Variants in HMGA2 observed in about 807,000 individuals in gnomAD.
HMGA2 encodes high mobility group AT-hook 2.
A neutral mutation model predicts 19.1 loss-of-function variants in HMGA2; 8 were observed. The observed-to-expected ratio is 0.42, with a 90% CI of 0.25 to 0.76. The LOEUF is 0.76. HMGA2 is among the 30% of genes least tolerant of loss of function. HMGA2 has a pLI of 0.28. For missense variants in HMGA2, 109 were observed against 136.3 expected, an observed-to-expected ratio of 0.80 and a Z score of 1.00; for synonymous variants, 60 against 48.8, an observed-to-expected ratio of 1.23 and a Z score of -0.96.
intron 3 of HMGA2, among the ~76,000 whole-genome samples, chr12:65,872,992 T>C (rs1485345608): frequency 1.3e-5 from 2 of 152,216 alleles, no homozygotes; most frequent in East Asian, 3.8e-4. Context: ...CTGGTTGGTA[T>C]AGTCTTTACC....
intron 3 of HMGA2, among the ~76,000 whole-genome samples, chr12:65,892,539 A>G (rs2121142844): frequency 6.6e-6 from 1 of 152,194 alleles, no homozygotes; most frequent in East Asian, 1.9e-4. Flanking sequence ...TTTTGCCTGA[A>G]ACTTGTTAGA....
intron 3 of HMGA2, among the ~76,000 whole-genome samples, chr12:65,899,968 CAA>C (rs1261664234): frequency 2.6e-5 from 4 of 152,072 alleles, no homozygotes; most frequent in African/African-American, 9.7e-5. Flanking sequence ...ATAATAAAAT[CAA>C]AAGAGGAGGG....
At chr12:65,958,450 A>G (rs1251768682) in intron 4 of HMGA2, 1 of 152,238 alleles carries the variant, frequency 6.6e-6, no homozygotes, top group Non-Finnish European at 1.5e-5. Flanking sequence ...GTTGGAGGAA[A>G]TAATCACTTT....
intron 3 of HMGA2, among the ~76,000 whole-genome samples, chr12:65,879,976 A>T (rs1451116094): frequency 1.3e-5 from 2 of 152,228 alleles, no homozygotes; most frequent in South Asian, 4.1e-4. Flanking sequence ...ATTCTGCAGC[A>T]TTCCAAGTGA....
At chr12:65,958,314 T>C (rs1876658119) in intron 4 of HMGA2, 1 of 152,190 alleles carries the variant, frequency 6.6e-6, no homozygotes, top group South Asian at 2.1e-4. Flanking sequence ...CAACTTATTG[T>C]CTCCTTTTGA....
At chr12:65,886,521 G>C (rs1039065469) in intron 3 of HMGA2, among the ~76,000 whole-genome samples, 31 of 151,994 alleles carry the variant, frequency 2.0e-4, no homozygotes, top group African/African-American at 6.0e-4. Flanking sequence ...CCCATGCCCG[G>C]CTAATATTTG....
chr12:65,950,271 ATT>A lies in HMGA2; in HGVS notation c.250-1111_250-1110del, dbSNP rs543360081. On this transcript the variant is annotated intron_variant, in intron 3 of 4. Coordinates refer to ENST00000403681, the MANE Select transcript of HMGA2 (RefSeq NM_003483.6). Reference sequence around the variant, plus strand: ...GTATATAAATGTTCATAGTAGCATTATTCATAATAGCCAAAGGGTGGAAACAC... The same window carrying A: ...GTATATAAATGTTCATAGTAGCATTACATAATAGCCAAAGGGTGGAAACAC... 1.6e-4 allele frequency among the ~76,000 whole-genome samples: 24 copies of A among 152,382 alleles called. No homozygotes were observed. In the South Asian group the frequency reaches 4.8e-3, roughly 30 times the overall value.
intron 3 of HMGA2, among the ~76,000 whole-genome samples, chr12:65,854,068 GT>G (rs1871608361): frequency 6.6e-6 from 1 of 152,162 alleles, no homozygotes; most frequent in African/African-American, 2.4e-5. Context: ...ATTTCAAAGT[GT>G]TTGTCATGAA....
intron 3 of HMGA2, chr12:65,855,891 T>C (rs973408365): frequency 6.6e-6 from 1 of 150,824 alleles, no homozygotes; most frequent in Admixed American, 6.6e-5. Flanking sequence ...GTTTTTTCTT[T>C]TTTTTTTTTT....
chr12:65,866,315 T>C (rs1872409015), intron 3 of HMGA2, among the ~76,000 whole-genome samples: 1 of 152,172 alleles, frequency 6.6e-6, no homozygotes, highest in Admixed American at 6.5e-5. Context: ...GATGATGATT[T>C]CAAGCCTTAT....
intron 4 of HMGA2, chr12:65,954,103 T>C (rs899692298): frequency 3.9e-5 from 6 of 152,218 alleles, no homozygotes; most frequent in African/African-American, 1.4e-4. Flanking sequence ...AATTTCTCTT[T>C]GCTCTATTTA....
chr12:65,932,063 T>C (rs61542571), intron 3 of HMGA2, among the ~76,000 whole-genome samples: 27,650 of 152,182 alleles, frequency 0.18, 4,042 homozygotes, highest in East Asian at 0.75. Flanking sequence ...TTCTAAGAAG[T>C]ATAAAACAAG....
intron 3 of HMGA2, among the ~76,000 whole-genome samples, chr12:65,929,039 T>C (rs1283456829): frequency 1.3e-5 from 2 of 152,226 alleles, no homozygotes; most frequent in East Asian, 3.8e-4. Context: ...AATTGGTCTA[T>C]GCACAGCAAA....
At chr12:65,895,839 C>A (rs949759043) in intron 3 of HMGA2, among the ~76,000 whole-genome samples, 2 of 152,192 alleles carry the variant, frequency 1.3e-5, no homozygotes, top group African/African-American at 4.8e-5. Flanking sequence ...AGCTAGTACA[C>A]TCGATTCAGT....
At chr12:65,837,552 A>G (rs931377590) in intron 2 of HMGA2, among the ~76,000 whole-genome samples, 3 of 152,224 alleles carry the variant, frequency 2.0e-5, no homozygotes, top group Non-Finnish European at 4.4e-5. Context: ...TGATTCTTAT[A>G]CATGAAACAA....
intron 3 of HMGA2, among the ~76,000 whole-genome samples, chr12:65,883,470 T>A (rs1478621993): frequency 2.6e-5 from 4 of 152,228 alleles, no homozygotes; most frequent in Non-Finnish European, 4.4e-5. Flanking sequence ...AAATATTTCT[T>A]CCTTTTGTGA....
chr12:65,937,407 G>A (rs1258502572), intron 3 of HMGA2, among the ~76,000 whole-genome samples: 1 of 151,938 alleles, frequency 6.6e-6, no homozygotes, highest in Non-Finnish European at 1.5e-5. Context: ...CACAACCCCA[G>A]GTTCTGCTCT....
intron 4 of HMGA2, chr12:65,954,089 A>G (rs1876539594): frequency 6.6e-6 from 1 of 152,200 alleles, no homozygotes; most frequent in Non-Finnish European, 1.5e-5. Context: ...TCACTGGGCT[A>G]ATTAATTTCT....
chr12:65,932,046 A>G (rs1875734043), intron 3 of HMGA2, among the ~76,000 whole-genome samples: 1 of 152,196 alleles, frequency 6.6e-6, no homozygotes, highest in Non-Finnish European at 1.5e-5. Flanking sequence ...AGAAATCTGC[A>G]TTTTCATTCT....
Sources: gnomAD v4.1 joint callset for allele counts (sites outside exome capture counted in the v4.1 genomes callset) on GRCh38, gnomAD v4.1.1 for gene constraint, MANE v1.5 for transcripts, NCBI Gene and HGNC (gene_info 2026-07-23, HGNC 2026-07-21) for gene names.